FGF14: variants seen among roughly 807,000 people sequenced by gnomAD.
The protein encoded by FGF14 is fibroblast growth factor 14.
Under a neutral mutation model 25.5 loss-of-function variants are expected in FGF14, and 5 were observed. That is an observed-to-expected ratio of 0.20 (90% confidence interval 0.10 to 0.41). The LOEUF is 0.41. Among genes scored for constraint, FGF14 ranks in the 10% least tolerant of loss-of-function variants. FGF14 has a pLI of 1.00. For synonymous variants in FGF14, 138 were observed against 118.3 expected, an observed-to-expected ratio of 1.17 and a Z score of -1.08; for missense variants, 222 against 320.1, an observed-to-expected ratio of 0.69 and a Z score of 2.34.
chr13:102,036,064 G>C (rs1350911097), intron 1 of FGF14, among the ~76,000 whole-genome samples: 1 of 152,132 alleles, frequency 6.6e-6, no homozygotes, highest in Non-Finnish European at 1.5e-5. Flanking sequence ...GGATGTGGGA[G>C]TGGGGAAATA....
intron 1 of FGF14, among the ~76,000 whole-genome samples, chr13:102,022,201 C>T (rs1451141474): frequency 2.0e-5 from 3 of 152,132 alleles, no homozygotes; most frequent in Non-Finnish European, 4.4e-5. Flanking sequence ...AAATAGCCCT[C>T]TATTCTTTAA....
At chr13:101,741,383 T>C (rs1354946046) in intron 3 of FGF14, among the ~76,000 whole-genome samples, 1 of 152,122 alleles carries the variant, frequency 6.6e-6, no homozygotes, top group Non-Finnish European at 1.5e-5. Flanking sequence ...AGTACTATAG[T>C]AGGAGACTAT....
chr13:101,754,004 G>A (rs993954665), intron 3 of FGF14, among the ~76,000 whole-genome samples: 2 of 152,110 alleles, frequency 1.3e-5, no homozygotes, highest in African/African-American at 4.8e-5. Flanking sequence ...AAGTAAGAAA[G>A]CGGCCAAATC....
intron 1 of FGF14, among the ~76,000 whole-genome samples, chr13:102,286,352 AC>A (rs1209031210): frequency 6.7e-6 from 1 of 149,410 alleles, no homozygotes; most frequent in East Asian, 2.0e-4. Context: ...GTCAAGTTCC[AC>A]CTCTTCCACA....
intron 1 of FGF14, among the ~76,000 whole-genome samples, chr13:102,257,871 C>T (rs1457125462): frequency 6.6e-6 from 1 of 152,164 alleles, no homozygotes. Flanking sequence ...GCTGAACTAA[C>T]CCATGTCCCT....
At chr13:101,766,219 A>G (rs2038383292) in intron 3 of FGF14, among the ~76,000 whole-genome samples, 1 of 152,210 alleles carries the variant, frequency 6.6e-6, no homozygotes, top group Non-Finnish European at 1.5e-5. Context: ...AATATTTTAA[A>G]AAATGAATTG....
intron 3 of FGF14, among the ~76,000 whole-genome samples, chr13:101,778,545 T>C (rs552920348): frequency 1.3e-5 from 2 of 152,316 alleles, no homozygotes; most frequent in South Asian, 2.1e-4. Context: ...CCTTGGTACC[T>C]GTTTTGCTTT....
intron 1 of FGF14, chr13:102,294,163 T>C (rs1456372042): frequency 6.6e-6 from 1 of 152,216 alleles, no homozygotes; most frequent in Non-Finnish European, 1.5e-5. Flanking sequence ...CAAAATCTTA[T>C]GGCATAAATC....
chr13:102,370,051 T>C (rs550232930), intron 1 of FGF14, among the ~76,000 whole-genome samples: 1 of 152,268 alleles, frequency 6.6e-6, no homozygotes, highest in African/African-American at 2.4e-5. Flanking sequence ...GAGTGCAGTG[T>C]TGCAACCACA....
chr13:102,298,466 A>G (rs1399132729), intron 1 of FGF14, among the ~76,000 whole-genome samples: 1 of 152,188 alleles, frequency 6.6e-6, no homozygotes, highest in Admixed American at 6.6e-5. Flanking sequence ...TCAATTAACC[A>G]GTTGCTCCTG....
At chr13:101,875,531 A>C (rs2140480258) in intron 1 of FGF14, among the ~76,000 whole-genome samples, 1 of 152,242 alleles carries the variant, frequency 6.6e-6, no homozygotes, top group Non-Finnish European at 1.5e-5. Context: ...TGGTATATGC[A>C]TATTTAAATT....
chr13:101,985,335 T>A (rs2038512553), intron 1 of FGF14, among the ~76,000 whole-genome samples: 1 of 152,100 alleles, frequency 6.6e-6, no homozygotes, highest in Admixed American at 6.6e-5. Flanking sequence ...AGAAGAGTTA[T>A]ACGTATGTGT....
intron 1 of FGF14, among the ~76,000 whole-genome samples, chr13:102,275,240 C>CTT (rs1260338988): frequency 4.3e-5 from 4 of 92,524 alleles, no homozygotes; most frequent in Non-Finnish European, 8.4e-5. Context: ...AGATTTCTCT[C>CTT]TCTCTCTCTC....
chr13:102,321,455 A>G (rs1355706557), intron 1 of FGF14, among the ~76,000 whole-genome samples: 1 of 152,204 alleles, frequency 6.6e-6, no homozygotes, highest in East Asian at 1.9e-4. Context: ...TTTGAAACAT[A>G]ATGCTTCCCA....
chr13:102,127,278 T>C (rs1032021153), intron 1 of FGF14, among the ~76,000 whole-genome samples: 22 of 152,212 alleles, frequency 1.4e-4, no homozygotes, highest in African/African-American at 2.9e-4. Flanking sequence ...AATGCATTTG[T>C]ACTAAGCATC....
chr13:102,331,347 C>T (rs549380212), intron 1 of FGF14, among the ~76,000 whole-genome samples: 1 of 152,244 alleles, frequency 6.6e-6, no homozygotes, highest in South Asian at 2.1e-4. Flanking sequence ...GGTATAATCC[C>T]AATAGCTTGG....
At chr13:102,287,347 C>T (rs950524993) in intron 1 of FGF14, among the ~76,000 whole-genome samples, 3 of 149,474 alleles carry the variant, frequency 2.0e-5, no homozygotes, top group African/African-American at 2.5e-5. Context: ...ATAGCAAAGC[C>T]ACCTTAGTTT....
chr13:101,986,222 G>A (rs747561762), intron 1 of FGF14, among the ~76,000 whole-genome samples: 9 of 152,016 alleles, frequency 5.9e-5, no homozygotes, highest in Non-Finnish European at 7.4e-5. Context: ...TTTTCATAAG[G>A]ATTTTCCATA....
At chr13:101,873,784 C>A (rs80134953) in intron 2 of FGF14, among the ~76,000 whole-genome samples, 6,798 of 152,122 alleles carry the variant, frequency 0.045, 421 homozygotes, top group African/African-American at 0.13. Context: ...TGCAAAAGTA[C>A]ATGTTTGGCA....
Sources: allele counts gnomAD v4.1 joint callset (sites outside exome capture counted in the v4.1 genomes callset), GRCh38; gene constraint gnomAD v4.1.1; transcripts MANE v1.5; gene names NCBI Gene and HGNC (gene_info 2026-07-23, HGNC 2026-07-21).